Variants in ZNF91 observed in about 807,000 individuals in gnomAD.
The protein encoded by ZNF91 is zinc finger protein 91 (HPF7, HTF10).
ZNF91 carries 7 observed loss-of-function variants against 12.6 expected under a neutral mutation model. The ratio of observed to expected loss-of-function variants is 0.55; its 90% CI spans 0.31 to 1.04. ZNF91 has a LOEUF of 1.04. Among genes scored for constraint, ZNF91 ranks in the 50% least tolerant of loss-of-function variants. The pLI is 0.05. For synonymous variants in ZNF91, 453 were observed against 462.6 expected (o/e 0.98, Z 0.27); for missense variants, 1,217 against 1,385.4 (o/e 0.88, Z 1.93).
At chr19:23,376,904 A>C (rs1434013770) in intron 1 of ZNF91, among the ~76,000 whole-genome samples, 1 of 152,060 alleles carries the variant, frequency 6.6e-6, no homozygotes, top group Non-Finnish European at 1.5e-5. Context: ...TTCTGGACTA[A>C]TTATGTCTGC....
chr19:23,306,206 G>C (rs763344318), intron 3 of ZNF91, among the ~76,000 whole-genome samples: 1 of 152,162 alleles, frequency 6.6e-6, no homozygotes, highest in Admixed American at 6.5e-5. Flanking sequence ...TTGAGACTAC[G>C]ACTCATCTAT....
rs1967429472 is a variant in ZNF91 at position 23,308,703 on chromosome 19, G to A, written n.190+221C>T. On this transcript the variant is annotated intron_variant and non_coding_transcript_variant, in intron 2 of 3. Transcript: ENST00000593292. ...CCACTAGGGTGATTTGTGTCATGGA[G>A]CAGAGCCCACCTTCTAGGTTATGGG... The A allele has an allele frequency of 1.3e-5, 2 of 152,232 alleles. 1 individual carries two copies. Among genetic ancestry groups the A allele is most frequent in the South Asian group, 4.1e-4 (2 of 4,834 alleles). The allele number at this position is 152,232 out of a possible 1,614,324, so 9.4% of individuals were successfully genotyped here.
intron 1 of ZNF91, among the ~76,000 whole-genome samples, chr19:23,387,122 G>C (rs942582848): frequency 3.9e-5 from 6 of 152,126 alleles, no homozygotes; most frequent in African/African-American, 1.2e-4. Context: ...AGTGAGAACA[G>C]CTATTAAAAT....
chr19:23,323,728 TCTC>T (rs1445930648), intron 1 of ZNF91, among the ~76,000 whole-genome samples: 30 of 126,202 alleles, frequency 2.4e-4, no homozygotes, highest in Admixed American at 5.8e-4. Context: ...TTCTACGCCT[TCTC>T]CTCATTCTCC....
chr19:23,376,757 A>C (rs1203095030), intron 1 of ZNF91, among the ~76,000 whole-genome samples: 1 of 152,194 alleles, frequency 6.6e-6, no homozygotes, highest in Admixed American at 6.5e-5. Flanking sequence ...TACAGAAGTA[A>C]AAATTTGCAA....
In ZNF91 at chr19:23,362,101, G is replaced by C. The variant is rs1292898777; in HGVS notation, c.878C>G (p.Pro293Arg). Residue 293 changes from proline to arginine, a missense_variant, in exon 4 of 4, where the codon CCC becomes CGC. This residue lies in a region of ZNF91 where 726 missense variants were observed against 895.5 expected (regional missense o/e 0.81). Transcript: ENST00000300619. ...RHKRIHTGEKPYKCEECGKAF... is the reference protein window; with the variant it reads ...RHKRIHTGEKRYKCEECGKAF... Reference sequence around the variant, plus strand: ...TTTGCCACATTCTTCACATTTGTAGGGTTTCTCTCCAGTGTGTATCCTCTT... The same window carrying C: ...TTTGCCACATTCTTCACATTTGTAGCGTTTCTCTCCAGTGTGTATCCTCTT... 2 of 1,613,836 alleles carry C rather than the reference G, an allele frequency of 1.2e-6. No individual in the cohort carries two copies. Among genetic ancestry groups the C allele is most frequent in the Non-Finnish European group, 1.7e-6 (2 of 1,179,984 alleles).
At chr19:23,368,878 AC>A (rs1381165665) in intron 3 of ZNF91, among the ~76,000 whole-genome samples, 15 of 152,158 alleles carry the variant, frequency 9.9e-5, no homozygotes, top group Non-Finnish European at 1.5e-4. Flanking sequence ...AAATAAAAAA[AC>A]ATTTGAAAGG....
At position 23,362,342 on chromosome 19, in the gene ZNF91, T is replaced by C. The variant is rs895553937; in HGVS notation, c.637A>G (p.Lys213Glu). Residue 213 changes from lysine to glutamate, a missense_variant, in exon 4 of 4, where the codon AAA (lysine) becomes GAA (glutamate). Transcript: ENST00000300619. ...VYITEKSCKC[K>E]ECEKTFHWSS... ...CAATGAAAGGTTTTTTCACATTCTT[T>C]ACATTTACAGGACTTCTCTGTAATA... is the stretch of plus-strand genomic sequence containing the variant. The C allele has an allele frequency of 6.2e-7, 1 of 1,613,472 alleles. No individual in the cohort carries two copies. Among genetic ancestry groups the C allele is most frequent in the Middle Eastern group, 1.7e-4 (1 of 6,056 alleles).
chr19:23,380,895 G>C (rs1274627824), intron 1 of ZNF91: 1 of 152,074 alleles, frequency 6.6e-6, no homozygotes, highest in African/African-American at 2.4e-5. Flanking sequence ...ATTAAAACCT[G>C]TGTTAATATA....
In ZNF91 at chr19:23,352,481, A is replaced by AT. The variant is rs1260757993; in HGVS notation, c.254-13428dup. 4.0e-3 allele frequency among the ~76,000 whole-genome samples: 615 copies of AT among 152,220 alleles called. 9 individuals carry two copies. The highest frequency in any genetic ancestry group is 0.014 in the African/African-American group (591 of 41,532). ...CCTGGTAGTGGTAGACAAAGAACAT[A>AT]TAATCTTGGGAGTCACACCACTGCA... On this transcript the variant is annotated intron_variant, in intron 3 of 3. Coordinates refer to the ZNF91 transcript ENST00000599743.
intron 3 of ZNF91, among the ~76,000 whole-genome samples, chr19:23,371,128 G>A (rs1395896340): frequency 6.6e-6 from 1 of 152,078 alleles, no homozygotes; most frequent in Admixed American, 6.6e-5. Context: ...ATCACCTGAG[G>A]TCAGGAGCTC....
chr19:23,328,538 G>A (rs1038560574), intron 1 of ZNF91: 2 of 152,192 alleles, frequency 1.3e-5, no homozygotes, highest in African/African-American at 4.8e-5. Context: ...ATAGGGGCTA[G>A]AGCAGATTGT....
intron 1 of ZNF91, among the ~76,000 whole-genome samples, chr19:23,389,310 G>A (rs1415917307): frequency 6.6e-6 from 1 of 152,092 alleles, no homozygotes; most frequent in African/African-American, 2.4e-5. Flanking sequence ...CAGAACCCCA[G>A]GCTGGTGGAC....
exon 1 of ZNF91, chr19:23,310,557 G>A (rs1263129728): frequency 6.6e-6 from 1 of 152,180 alleles, no homozygotes; most frequent in Non-Finnish European, 1.5e-5. Context: ...CCTAGAATTT[G>A]GACCTTTGTG....
upstream of ZNF91, among the ~76,000 whole-genome samples, chr19:23,310,863 C>A (rs1361882160): frequency 6.6e-6 from 1 of 152,152 alleles, no homozygotes; most frequent in African/African-American, 2.4e-5. Context: ...GGTGATGTCA[C>A]TTTTTTGCCT....
intron 1 of ZNF91, among the ~76,000 whole-genome samples, chr19:23,388,518 G>GA (rs1568404687): frequency 6.6e-6 from 1 of 152,108 alleles, no homozygotes; most frequent in Non-Finnish European, 1.5e-5. Flanking sequence ...AACTGGTACA[G>GA]AAAAAAACAA....
chr19:23,392,664 C>T (rs1231334205), intron 1 of ZNF91, among the ~76,000 whole-genome samples: 3 of 151,888 alleles, frequency 2.0e-5, no homozygotes, highest in Admixed American at 1.3e-4. Context: ...TGGTGGTGCA[C>T]GTCTGTAATC....
chr19:23,323,755 TCA>T (rs998557783), intron 1 of ZNF91, among the ~76,000 whole-genome samples: 2 of 147,726 alleles, frequency 1.4e-5, no homozygotes, highest in African/African-American at 5.1e-5. Flanking sequence ...CCTCTTTTTC[TCA>T]TTCTTTTCGT....
downstream of ZNF91, among the ~76,000 whole-genome samples, chr19:23,353,295 T>C (rs1342578684): frequency 1.3e-5 from 2 of 151,952 alleles, no homozygotes; most frequent in East Asian, 1.9e-4. Context: ...GGAAATCAAC[T>C]CCCAAAGGAA....
Sources: gnomAD v4.1 joint callset for allele counts (sites outside exome capture counted in the v4.1 genomes callset) on GRCh38, gnomAD v4.1.1 for gene constraint, gnomAD v4.1.1 regional missense constraint, MANE v1.5 for transcripts, NCBI Gene and HGNC (gene_info 2026-07-23, HGNC 2026-07-21) for gene names.